The following NCKAP5 variants were observed in gnomAD, a reference collection of about 807,000 sequenced individuals.
NCKAP5 encodes the protein nck-associated protein 5.
Under a neutral mutation model 167.0 loss-of-function variants are expected in NCKAP5, and 92 were observed. That is an observed-to-expected ratio of 0.55 (90% CI 0.47 to 0.66). The LOEUF (loss-of-function observed/expected upper bound fraction) is 0.66, where lower values mean the gene tolerates loss of function less well. Among genes scored for constraint, NCKAP5 ranks in the 30% least tolerant of loss-of-function variants. NCKAP5 has a pLI of 0.00. For synonymous variants in NCKAP5, 891 were observed against 877.4 expected (o/e 1.02, Z -0.27); for missense variants, 2,378 against 2,315.0 (o/e 1.03, Z -0.56).
At chr2:133,518,624 G>C (rs1292370583) in intron 2 of NCKAP5, among the ~76,000 whole-genome samples, 1 of 151,930 alleles carries the variant, frequency 6.6e-6, no homozygotes, top group South Asian at 2.1e-4. Context: ...AAAGTACTGG[G>C]ATTACAGGCA....
At chr2:133,616,336 C>A in the NCKAP5 span, among the ~76,000 whole-genome samples, 1 of 151,730 alleles carries the variant, frequency 6.6e-6, no homozygotes, top group East Asian at 1.9e-4. Flanking sequence ...ACACAAAAAA[C>A]CCTTCAAAAA....
intron 4 of NCKAP5, among the ~76,000 whole-genome samples, chr2:133,294,168 C>T (rs1019559206): frequency 4.6e-5 from 7 of 152,186 alleles, no homozygotes; most frequent in African/African-American, 1.7e-4. Context: ...AAAAACAAAT[C>T]ATAGTTCTTA....
At chr2:133,072,899 C>T (rs919224281) in intron 6 of NCKAP5, among the ~76,000 whole-genome samples, 1 of 152,058 alleles carries the variant, frequency 6.6e-6, no homozygotes, top group Non-Finnish European at 1.5e-5. Flanking sequence ...TTTAAAAACC[C>T]ACCATGGCTC....
At chr2:133,574,591 TTTTCTTCTTTCC>T in the NCKAP5 span, among the ~76,000 whole-genome samples, 1 of 147,888 alleles carries the variant, frequency 6.8e-6, no homozygotes, top group Non-Finnish European at 1.5e-5. Context: ...TGGAGTTGCA[TTTTCTTCTTTCC>T]TTTTTTTTTT....
At chr2:133,076,009 A>G (rs2080587607) in intron 6 of NCKAP5, among the ~76,000 whole-genome samples, 1 of 152,186 alleles carries the variant, frequency 6.6e-6, no homozygotes, top group Admixed American at 6.5e-5. Context: ...ATACAAAAAG[A>G]TATACCATGT....
chr2:133,108,711 T>A (rs1239892478), intron 6 of NCKAP5, among the ~76,000 whole-genome samples: 1 of 152,150 alleles, frequency 6.6e-6, no homozygotes, highest in African/African-American at 2.4e-5. Context: ...CACTCTCCAA[T>A]CCCTGGCAAC....
intron 3 of NCKAP5, among the ~76,000 whole-genome samples, chr2:133,459,425 A>G (rs1003442799): frequency 1.3e-5 from 2 of 152,098 alleles, no homozygotes; most frequent in Non-Finnish European, 2.9e-5. Flanking sequence ...AGGTTCTTAT[A>G]GGGTTCCTCT....
At chr2:132,932,630 C>A (rs531882659) in intron 8 of NCKAP5, among the ~76,000 whole-genome samples, 2 of 152,288 alleles carry the variant, frequency 1.3e-5, no homozygotes, top group South Asian at 4.1e-4. Flanking sequence ...AACAGTCGTA[C>A]TAGCTGTTTT....
At chr2:133,183,187 A>T (rs552009833) in intron 5 of NCKAP5, among the ~76,000 whole-genome samples, 125 of 152,242 alleles carry the variant, frequency 8.2e-4, no homozygotes, top group African/African-American at 2.9e-3. Context: ...CAAAATGCTT[A>T]AAGAAGAATT....
chr2:133,497,398 C>T (rs1277219766), intron 3 of NCKAP5, among the ~76,000 whole-genome samples: 3 of 152,320 alleles, frequency 2.0e-5, no homozygotes, highest in African/African-American at 4.8e-5. Context: ...GTTGCTATGG[C>T]TTCCTGCCTG....
chr2:133,557,608 G>GA (rs1344841639), intron 2 of NCKAP5, among the ~76,000 whole-genome samples: 29 of 152,174 alleles, frequency 1.9e-4, no homozygotes, highest in African/African-American at 5.3e-4. Context: ...AACATAGAGG[G>GA]AAAATCTAAG....
intron 16 of NCKAP5, among the ~76,000 whole-genome samples, chr2:132,750,934 G>T (rs957793502): frequency 6.4e-4 from 98 of 152,330 alleles, no homozygotes; most frequent in Non-Finnish European, 1.2e-3. Flanking sequence ...CCTGAGGATT[G>T]CAGCAGAACA....
chr2:132,715,465 AT>A (rs1047424656), intron 19 of NCKAP5, among the ~76,000 whole-genome samples: 11 of 151,808 alleles, frequency 7.2e-5, no homozygotes, highest in Admixed American at 3.3e-4. Flanking sequence ...TGTTGACTAC[AT>A]TTTTTTTCTC....
chr2:132,933,730 A>G (rs1201411673), intron 8 of NCKAP5, among the ~76,000 whole-genome samples: 1 of 152,264 alleles, frequency 6.6e-6, no homozygotes, highest in East Asian at 1.9e-4. Context: ...AAGACAGAAA[A>G]ATGGTATTTA....
chr2:133,441,502 G>A (rs892002645), intron 3 of NCKAP5, among the ~76,000 whole-genome samples: 4 of 152,138 alleles, frequency 2.6e-5, no homozygotes, highest in Non-Finnish European at 5.9e-5. Flanking sequence ...TCTTTGCAGC[G>A]TTAGGATACA....
intron 12 of NCKAP5, among the ~76,000 whole-genome samples, chr2:132,792,659 G>A (rs1214507447): frequency 1.3e-5 from 2 of 152,138 alleles, no homozygotes; most frequent in Admixed American, 1.3e-4. Flanking sequence ...GTCCCACCAG[G>A]CTGTCCAGAT....
At chr2:132,739,949 C>T (rs959542002) in intron 16 of NCKAP5, among the ~76,000 whole-genome samples, 8 of 152,216 alleles carry the variant, frequency 5.3e-5, no homozygotes, top group African/African-American at 1.4e-4. Flanking sequence ...AGACTTATGA[C>T]ATTCTCAAGT....
rs1363384281 is a variant in NCKAP5 at position 132,999,872 on chromosome 2, G to T, written c.342-5633C>A. 2.6e-5 allele frequency among the ~76,000 whole-genome samples: 4 copies of T among 151,920 alleles called. No homozygotes were observed. In the East Asian group the frequency reaches 7.7e-4, roughly 29 times the overall value. ...TTTAGTTGAGACTAACTTCATTTTT[G>T]ACAGAAATAAAAAAGAACAGAAAAC... On this transcript the variant is annotated intron_variant, in intron 6 of 19. Coordinates refer to ENST00000409261, the MANE Select transcript of NCKAP5 (RefSeq NM_207363.3).
intron 2 of NCKAP5, among the ~76,000 whole-genome samples, chr2:133,519,416 C>G (rs977651706): frequency 6.6e-6 from 1 of 152,160 alleles, no homozygotes; most frequent in African/African-American, 2.4e-5. Context: ...CACTAGTCAA[C>G]TGAAATTTGT....
Sources: allele counts gnomAD v4.1 joint callset (sites outside exome capture counted in the v4.1 genomes callset), GRCh38; gene constraint gnomAD v4.1.1; transcripts MANE v1.5; gene names NCBI Gene and HGNC (gene_info 2026-07-23, HGNC 2026-07-21).